DNAH6: variants seen among roughly 807,000 people sequenced by gnomAD.
DNAH6 encodes the protein axonemal beta dynein heavy chain 6.
In DNAH6, 340 loss-of-function variants were observed where a neutral mutation model predicts 491.4. The observed-to-expected ratio is 0.69, with a 90% CI of 0.63 to 0.76. DNAH6 has a LOEUF of 0.76. Among genes scored for constraint, DNAH6 ranks in the 30% least tolerant of loss-of-function variants. DNAH6 has a pLI of 0.00. For missense variants in DNAH6, 4,443 were observed against 4,972.2 expected, an observed-to-expected ratio of 0.89 and a Z score of 3.20; for synonymous variants, 1,603 against 1,686.1, an observed-to-expected ratio of 0.95 and a Z score of 1.21.
rs989859807 is a variant in DNAH6 at position 84,694,383 on chromosome 2, G to C, written c.7427G>C (p.Gly2476Ala). ...TGTTTGCAGATTGAACTCAGCCGGG[G>C]ATATAATTATGATAGTTTTCATGAA... ...YKCLQIELSR[G>A]YNYDSFHEDL... is the part of the protein sequence containing the mutation. Residue 2476 changes from glycine to alanine, a missense_variant, in exon 46 of 77, where the codon GGA becomes GCA. Coordinates refer to ENST00000389394, the MANE Select transcript of DNAH6 (RefSeq NM_001370.2). The C allele has an allele frequency of 6.4e-7, 1 of 1,552,384 alleles. No homozygotes were observed. Among genetic ancestry groups the C allele is most frequent in the Non-Finnish European group, 8.7e-7 (1 of 1,147,138 alleles).
intron 60 of DNAH6, among the ~76,000 whole-genome samples, chr2:84,724,858 T>A (rs906061579): frequency 6.6e-6 from 1 of 152,200 alleles, no homozygotes; most frequent in South Asian, 2.1e-4. Flanking sequence ...TCATGCACCA[T>A]CAATTCGGCT....
chr2:84,770,988 T>C (rs1675547848), intron 64 of DNAH6, among the ~76,000 whole-genome samples: 1 of 140,534 alleles, frequency 7.1e-6, no homozygotes, highest in African/African-American at 2.7e-5. Context: ...AGATCCTCTG[T>C]CAAAAAAAAA....
At chr2:84,527,597 T>G (rs572865395) in intron 3 of DNAH6, among the ~76,000 whole-genome samples, 1 of 152,330 alleles carries the variant, frequency 6.6e-6, no homozygotes, top group South Asian at 2.1e-4. Flanking sequence ...ATGTGTGTTT[T>G]CTCTGGTTCA....
intron 11 of DNAH6, among the ~76,000 whole-genome samples, chr2:84,566,976 T>G (rs1681265998): frequency 6.6e-6 from 1 of 151,986 alleles, no homozygotes; most frequent in Non-Finnish European, 1.5e-5. Flanking sequence ...CACCAATATA[T>G]AAATTAGGGA....
At chr2:84,554,764 G>A (rs1383650716) in intron 10 of DNAH6, among the ~76,000 whole-genome samples, 1 of 152,180 alleles carries the variant, frequency 6.6e-6, no homozygotes. Flanking sequence ...AGAGGCACTG[G>A]GCTCTCATGT....
the DNAH6 span, among the ~76,000 whole-genome samples, chr2:84,489,936 G>A: frequency 6.6e-6 from 1 of 152,142 alleles, no homozygotes; most frequent in East Asian, 1.9e-4. Context: ...CACACTTTGA[G>A]AACCACTAAC....
At chr2:84,795,110 T>C (rs1302607432) in intron 68 of DNAH6, among the ~76,000 whole-genome samples, 1 of 133,930 alleles carries the variant, frequency 7.5e-6, no homozygotes, top group East Asian at 2.3e-4. Context: ...TTCTCACTCA[T>C]AGGTGGGAAT....
At chr2:84,654,009 T>A in intron 34 of DNAH6, 135 bp downstream of exon 34, 1 of 711,360 alleles carries the variant, frequency 1.4e-6, no homozygotes, top group African/African-American at 1.8e-5. Context: ...ACTTATTAAG[T>A]CATCCTTTTG....
At chr2:84,745,043 A>G (rs1467790277) in intron 62 of DNAH6, 37 bp from the exon 63 acceptor site, 54 of 1,320,708 alleles carry the variant, frequency 4.1e-5, no homozygotes, top group Non-Finnish European at 5.2e-5. Flanking sequence ...GCCAAAACAA[A>G]TCTAATTAAA....
intron 54 of DNAH6, among the ~76,000 whole-genome samples, chr2:84,709,096 A>T (rs1696798591): frequency 6.6e-6 from 1 of 152,256 alleles, no homozygotes; most frequent in Non-Finnish European, 1.5e-5. Flanking sequence ...ACATGAGACA[A>T]CTGAGGTCCA....
intron 61 of DNAH6, among the ~76,000 whole-genome samples, chr2:84,731,657 G>C (rs1276310087): frequency 6.6e-6 from 1 of 152,164 alleles, no homozygotes; most frequent in African/African-American, 2.4e-5. Flanking sequence ...AACACAGTAT[G>C]GAAAAGTTTA....
intron 70 of DNAH6, among the ~76,000 whole-genome samples, chr2:84,804,740 G>A (rs1439009465): frequency 6.6e-6 from 1 of 152,098 alleles, no homozygotes; most frequent in Non-Finnish European, 1.5e-5. Flanking sequence ...AGTAAAATAT[G>A]TATAACAGAA....
chr2:84,525,143 A>AT (rs36051946), intron 2 of DNAH6, among the ~76,000 whole-genome samples: 2 of 151,646 alleles, frequency 1.3e-5, no homozygotes, highest in African/African-American at 4.8e-5. Flanking sequence ...AATGCCACCT[A>AT]TTTTTTTTAG....
Position 84,761,787 on chromosome 2 carries a change from CAT to C in DNAH6, c.10513-966_10513-965del, listed in dbSNP as rs1441135308. On this transcript the variant is annotated intron_variant, in intron 63 of 76. Coordinates refer to ENST00000389394, the MANE Select transcript of DNAH6 (RefSeq NM_001370.2). Reference sequence around the variant, plus strand: ...CAACAGCATTACATACACACACACACATACACACACACACACACACACACACA... The same window carrying C: ...CAACAGCATTACATACACACACACACACACACACACACACACACACACACA... Among the ~76,000 whole-genome samples, 463 of 121,584 alleles carry C rather than the reference CAT, an allele frequency of 3.8e-3. 4 individuals carry two copies. The highest frequency in any genetic ancestry group is 0.013 in the African/African-American group (445 of 33,956). 79.8% of individuals were successfully genotyped at this position (121,584 alleles called of 152,430 possible).
intron 37 of DNAH6, among the ~76,000 whole-genome samples, chr2:84,664,896 G>A (rs1691922769): frequency 1.3e-5 from 2 of 152,198 alleles, no homozygotes; most frequent in Admixed American, 6.5e-5. Context: ...GTAACAAACT[G>A]TCTCTCAGAC....
Position 84,697,736 on chromosome 2 carries a change from T to TG in DNAH6, c.7677+10dup. ...AGGGGAACAGAGACGAGGTAGGATGTGCCAGAGTAGTTATGTGGCTTTATC... is the reference window on the plus strand; with the variant it reads ...AGGGGAACAGAGACGAGGTAGGATGTGGCCAGAGTAGTTATGTGGCTTTATC... On this transcript the variant is annotated intron_variant, in intron 47 of 76. Coordinates refer to ENST00000389394, the MANE Select transcript of DNAH6 (RefSeq NM_001370.2). The TG allele has an allele frequency of 1.3e-6, 2 of 1,551,614 alleles. No individual in the cohort carries two copies. The highest frequency in any genetic ancestry group is 1.7e-6 in the Non-Finnish European group (2 of 1,146,956).
upstream of DNAH6, among the ~76,000 whole-genome samples, chr2:84,516,258 T>G (rs1189848411): frequency 6.6e-6 from 1 of 152,196 alleles, no homozygotes; most frequent in African/African-American, 2.4e-5. Context: ...CTCCTTTGGC[T>G]GCTCTGCCTA....
the DNAH6 span, among the ~76,000 whole-genome samples, chr2:84,498,087 C>T: frequency 6.6e-6 from 1 of 152,208 alleles, no homozygotes; most frequent in Admixed American, 6.5e-5. Flanking sequence ...GGCCACCAAT[C>T]AGGTACTGCA....
intron 56 of DNAH6, among the ~76,000 whole-genome samples, chr2:84,710,709 C>T (rs1374291431): frequency 1.3e-5 from 2 of 152,170 alleles, no homozygotes; most frequent in African/African-American, 4.8e-5. Flanking sequence ...GCTGAAAATT[C>T]ACAACAGTAG....
Sources: gnomAD v4.1 joint callset for allele counts (sites outside exome capture counted in the v4.1 genomes callset) on GRCh38, gnomAD v4.1.1 for gene constraint, MANE v1.5 for transcripts, NCBI Gene and HGNC (gene_info 2026-07-23, HGNC 2026-07-21) for gene names.